The following PTPRG variants were observed in gnomAD, a reference collection of about 807,000 sequenced individuals.
The protein encoded by PTPRG is receptor-type tyrosine-protein phosphatase gamma.
Under a neutral mutation model 165.3 loss-of-function variants are expected in PTPRG, and 102 were observed. The ratio of observed to expected loss-of-function variants is 0.62; its 90% confidence interval spans 0.53 to 0.73. The LOEUF is 0.73. Ranked by LOEUF, PTPRG falls within the 30% of genes least tolerant of loss-of-function variation. PTPRG has a pLI of 0.00. For synonymous variants in PTPRG, 675 were observed against 669.5 expected (o/e 1.01, Z -0.13); for missense variants, 1,866 against 1,861.4 (o/e 1.00, Z -0.05).
intron 2 of PTPRG, among the ~76,000 whole-genome samples, chr3:61,834,182 C>T (rs2700179): frequency 0.5 from 75,926 of 152,038 alleles, 20,107 homozygotes; most frequent in East Asian, 0.67. Flanking sequence ...GTTGCCTCTC[C>T]TGAGTCATTT....
intron 3 of PTPRG, among the ~76,000 whole-genome samples, chr3:61,990,284 T>A (rs1331434180): frequency 6.6e-6 from 1 of 152,200 alleles, no homozygotes; most frequent in African/African-American, 2.4e-5. Flanking sequence ...CATTCTCTCA[T>A]TGCAGAAAGT....
At chr3:61,841,541 C>G (rs2036632731) in intron 2 of PTPRG, among the ~76,000 whole-genome samples, 1 of 152,170 alleles carries the variant, frequency 6.6e-6, no homozygotes, top group Non-Finnish European at 1.5e-5. Flanking sequence ...GTTTCACTGT[C>G]AGGTCAAACA....
intron 1 of PTPRG, among the ~76,000 whole-genome samples, chr3:61,608,126 C>T (rs1220372717): frequency 6.6e-6 from 1 of 152,136 alleles, no homozygotes; most frequent in Non-Finnish European, 1.5e-5. Flanking sequence ...CTTGCCAGGG[C>T]AGAAGGCTTA....
At chr3:61,572,238 TTTTG>T (rs1414362419) in intron 1 of PTPRG, among the ~76,000 whole-genome samples, 4 of 152,316 alleles carry the variant, frequency 2.6e-5, no homozygotes, top group South Asian at 2.1e-4. Context: ...TAAGCTATGT[TTTTG>T]TTTGTTTGTT....
intron 1 of PTPRG, among the ~76,000 whole-genome samples, chr3:61,653,106 A>C (rs928617490): frequency 2.0e-5 from 3 of 152,338 alleles, no homozygotes; most frequent in Non-Finnish European, 2.9e-5. Context: ...AAGCCAAAAG[A>C]AGAGACAATT....
chr3:62,013,784 T>G (rs559038726), intron 4 of PTPRG, among the ~76,000 whole-genome samples: 1 of 152,260 alleles, frequency 6.6e-6, no homozygotes, highest in South Asian at 2.1e-4. Flanking sequence ...GTACAGGTTT[T>G]TTTTTTTCTT....
chr3:62,202,953 T>C (rs1700130100), intron 11 of PTPRG, among the ~76,000 whole-genome samples: 1 of 152,218 alleles, frequency 6.6e-6, no homozygotes, highest in African/African-American at 2.4e-5. Flanking sequence ...TTATGCATTT[T>C]AACATGTTCA....
rs1043665197 is a variant in PTPRG at position 62,271,275 on chromosome 3, A to T, written c.3010-108A>T. On this transcript the variant is annotated intron_variant, in intron 20 of 29. Transcript: ENST00000474889. The surrounding 1 kb of genome is among the most constrained non-coding windows in gnomAD (Gnocchi z 4.1). ...GGAATAACCTAGCCTGGGAACAGTG[A>T]TTAGGGTGAATGTGATCAGTGGTCA... 5.3e-6 allele frequency: 5 copies of T among 942,090 alleles called. No homozygotes were observed. The African/African-American group carries it at 6.7e-5, about 13-fold the overall frequency. The allele number at this position is 942,090 out of a possible 1,614,324, so 58.4% of individuals were successfully genotyped here.
At chr3:61,633,827 G>A (rs1414218348) in intron 1 of PTPRG, among the ~76,000 whole-genome samples, 1 of 151,572 alleles carries the variant, frequency 6.6e-6, no homozygotes, top group Non-Finnish European at 1.5e-5. Flanking sequence ...TATGATGTTA[G>A]CTGTGAGTTT....
rs1381091172 is a variant in PTPRG at position 62,228,048 on chromosome 3, C to T, written c.2289-3177C>T. 6.6e-6 allele frequency among the ~76,000 whole-genome samples: 1 copy of T among 152,080 alleles called. No individual in the cohort carries two copies. Among genetic ancestry groups the T allele is most frequent in the Non-Finnish European group, 1.5e-5 (1 of 68,032 alleles). On this transcript the variant is annotated intron_variant, in intron 13 of 29. Coordinates refer to ENST00000474889, the MANE Select transcript of PTPRG (RefSeq NM_002841.4). The surrounding 1 kb of genome is among the most constrained non-coding windows in gnomAD (Gnocchi z 4.1). ...GCCAGTCTCTGCCCTCCCCGCTATT[C>T]CCTGCCTGTTTGGCCCCTGTGGGTG...
chr3:62,199,221 A>C (rs930491357), intron 10 of PTPRG, among the ~76,000 whole-genome samples: 2 of 152,192 alleles, frequency 1.3e-5, no homozygotes, highest in Admixed American at 1.3e-4. Flanking sequence ...ATGGGAGGCT[A>C]TATTTAGGCT....
At chr3:62,140,543 A>T (rs1486162634) in intron 6 of PTPRG, among the ~76,000 whole-genome samples, 3 of 152,148 alleles carry the variant, frequency 2.0e-5, no homozygotes, top group Admixed American at 2.0e-4. Flanking sequence ...TAGTGATGAA[A>T]GTCAGAACAG....
intron 2 of PTPRG, among the ~76,000 whole-genome samples, chr3:61,854,955 C>T (rs1276878774): frequency 6.6e-6 from 1 of 152,204 alleles, no homozygotes; most frequent in African/African-American, 2.4e-5. Context: ...CGCACATTTG[C>T]ATTAATTTTT....
chr3:61,651,611 G>A (rs1425519425), intron 1 of PTPRG, among the ~76,000 whole-genome samples: 1 of 152,168 alleles, frequency 6.6e-6, no homozygotes, highest in African/African-American at 2.4e-5. Context: ...CACCATGTTG[G>A]AAGTTTTCTG....
At chr3:61,993,398 T>TAGTAG (rs1326268517) in intron 3 of PTPRG, among the ~76,000 whole-genome samples, 4 of 152,042 alleles carry the variant, frequency 2.6e-5, no homozygotes. Flanking sequence ...TTTATATTTT[T>TAGTAG]AGTAGAGACG....
intron 6 of PTPRG, among the ~76,000 whole-genome samples, chr3:62,150,721 TA>T (rs1261215579): frequency 6.6e-6 from 1 of 152,200 alleles, no homozygotes; most frequent in African/African-American, 2.4e-5. Flanking sequence ...ATCATTGGGC[TA>T]AAAACAGAAG....
chr3:61,877,324 T>G (rs4399890), intron 2 of PTPRG, among the ~76,000 whole-genome samples: 64,013 of 152,040 alleles, frequency 0.42, 14,552 homozygotes, highest in East Asian at 0.62. Flanking sequence ...TTCTGCAGCA[T>G]TGGAGAGATG....
At chr3:61,870,288 A>G (rs2037528354) in intron 2 of PTPRG, among the ~76,000 whole-genome samples, 1 of 150,552 alleles carries the variant, frequency 6.6e-6, no homozygotes. Context: ...TGATGCTAAT[A>G]TTTCCATTGT....
chr3:61,718,672 C>CT (rs984715979), intron 1 of PTPRG, among the ~76,000 whole-genome samples: 11 of 152,290 alleles, frequency 7.2e-5, no homozygotes, highest in African/African-American at 2.6e-4. Context: ...AACTTAGTAA[C>CT]TTTTTTAAAG....
Sources: gnomAD v4.1 joint callset for allele counts (sites outside exome capture counted in the v4.1 genomes callset) on GRCh38, gnomAD v4.1.1 for gene constraint, Gnocchi (gnomAD v3.1) non-coding constraint, MANE v1.5 for transcripts, NCBI Gene and HGNC (gene_info 2026-07-23, HGNC 2026-07-21) for gene names.